The following BSN variants were observed in gnomAD, a reference collection of about 807,000 sequenced individuals.
BSN encodes protein bassoon.
In BSN, 57 loss-of-function variants were observed where a neutral mutation model predicts 264.8. The observed-to-expected ratio is 0.22, with a 90% CI of 0.17 to 0.27. The LOEUF is 0.27. Among genes scored for constraint, BSN ranks in the 10% least tolerant of loss-of-function variants. The pLI is 1.00. For missense variants in BSN, 4,615 were observed against 5,232.5 expected (o/e 0.88, Z 3.64); for synonymous variants, 2,059 against 2,137.3 (o/e 0.96, Z 1.01).
chr3:49,633,540 A>G (rs1386123996), intron 2 of BSN, among the ~76,000 whole-genome samples: 22 of 152,172 alleles, frequency 1.4e-4, no homozygotes, highest in Admixed American at 1.4e-3. Flanking sequence ...AAAATTATAA[A>G]TAGAATTACC....
intron 1 of BSN, among the ~76,000 whole-genome samples, chr3:49,593,783 T>TG (rs1267546121): frequency 2.7e-5 from 4 of 150,190 alleles, no homozygotes; most frequent in Non-Finnish European, 5.9e-5. Flanking sequence ...ACTAGTTTTT[T>TG]TTTTGTTTTG....
At chr3:49,556,345 C>T (rs1355708723) in intron 1 of BSN, among the ~76,000 whole-genome samples, 1 of 152,208 alleles carries the variant, frequency 6.6e-6, no homozygotes, top group Non-Finnish European at 1.5e-5. Context: ...AAGACCTGGG[C>T]AGCTCAGAGG....
intron 1 of BSN, among the ~76,000 whole-genome samples, chr3:49,586,445 G>A (rs1398215245): frequency 1.3e-5 from 2 of 152,046 alleles, no homozygotes; most frequent in African/African-American, 4.8e-5. Flanking sequence ...CACAATCATG[G>A]CTCACTGCAG....
At chr3:49,613,332 GA>G (rs2052225632) in intron 1 of BSN, among the ~76,000 whole-genome samples, 1 of 149,774 alleles carries the variant, frequency 6.7e-6, no homozygotes, top group Non-Finnish European at 1.5e-5. Context: ...GAGAGAGAGA[GA>G]GAGAGAGAGA....
chr3:49,639,132 A>T (rs1463752390), intron 2 of BSN, among the ~76,000 whole-genome samples: 1 of 151,602 alleles, frequency 6.6e-6, no homozygotes, highest in African/African-American at 2.4e-5. Flanking sequence ...AGGGACTGAA[A>T]TTGTTTTCTC....
At position 49,657,135 on chromosome 3, in the gene BSN, C is replaced by T. The variant is rs1490427292; in HGVS notation, c.7579C>T (p.Leu2527=). The change falls in exon 5 of 12, where the codon CTG becomes TTG. Residue 2527 remains leucine, a synonymous_variant. Transcript: ENST00000296452. Reference sequence around the variant, plus strand: ...ACTTGGGCAGCCTCGTGAGCCTGTGCTGCACCGGGGTCTCCCCAGCTCTGC... The same window carrying T: ...ACTTGGGCAGCCTCGTGAGCCTGTGTTGCACCGGGGTCTCCCCAGCTCTGC... The part of the protein sequence containing the change: ...EGLGQPREPV[L]HRGLPSSASD... 3.1e-6 allele frequency: 5 copies of T among 1,613,152 alleles called. No individual in the cohort carries two copies. The highest frequency in any genetic ancestry group is 2.2e-5 in the South Asian group (2 of 91,038).
Position 49,554,548 on chromosome 3 carries a change from G to A in BSN, c.-55G>A, listed in dbSNP as rs2051646703. 2.9e-6 allele frequency: 2 copies of A among 700,798 alleles called. No homozygotes were observed. The highest frequency in any genetic ancestry group is 1.3e-4 in the East Asian group (1 of 7,780). The allele number at this position is 700,798 out of a possible 1,614,324, so 43.4% of individuals were successfully genotyped here. A position where few individuals can be genotyped will look rare whatever the true frequency, so the allele number is the denominator to read the frequency against. ...CGCCGAGAGTGTGAGCACCGCCCGG[G>A]AGCCGCCGGCCCGGGCGCAGCGCGA... On this transcript the variant is annotated 5_prime_UTR_variant, in exon 1 of 12. Transcript: ENST00000296452.
intron 3 of BSN, among the ~76,000 whole-genome samples, chr3:49,648,730 T>C (rs377063983): frequency 3.9e-5 from 6 of 152,292 alleles, no homozygotes; most frequent in African/African-American, 1.4e-4. Context: ...ACTTACTGCC[T>C]TGTGGGGTTT....
In BSN at chr3:49,667,616, C is replaced by T. The variant is rs879243280; in HGVS notation, c.*131C>T. On this transcript the variant is annotated 3_prime_UTR_variant, in exon 12 of 12. Coordinates refer to ENST00000296452, the MANE Select transcript of BSN (RefSeq NM_003458.4). ...ATCTACAATCTGGCAAACCCTTGGCCCAAAGACTCACCAGGTGGGACGTGG... is the reference window on the plus strand; with the variant it reads ...ATCTACAATCTGGCAAACCCTTGGCTCAAAGACTCACCAGGTGGGACGTGG... 1.3e-5 allele frequency: 2 copies of T among 152,724 alleles called. No homozygotes were observed. Among genetic ancestry groups the T allele is most frequent in the South Asian group, 4.1e-4 (2 of 4,832 alleles). 9.5% of individuals were successfully genotyped at this position (152,724 alleles called of 1,614,324 possible). A position where few individuals can be genotyped will look rare whatever the true frequency, so the allele number is the denominator to read the frequency against.
At chr3:49,582,056 G>A (rs981096080) in intron 1 of BSN, among the ~76,000 whole-genome samples, 2 of 152,040 alleles carry the variant, frequency 1.3e-5, no homozygotes, top group African/African-American at 2.4e-5. Flanking sequence ...TAGGCTTTTC[G>A]AGGCGCTGCC....
chr3:49,645,087 C>T (rs2052495206), intron 3 of BSN, among the ~76,000 whole-genome samples: 1 of 152,152 alleles, frequency 6.6e-6, no homozygotes, highest in Admixed American at 6.5e-5. Context: ...CCATGTCCTG[C>T]CCCACTGCCC....
rs367960720 is a variant in BSN, at chr3:49,663,311, C to T, written c.11153C>T (p.Ala3718Val). 4.3e-6 allele frequency: 7 copies of T among 1,613,950 alleles called. No homozygotes were observed. The highest frequency in any genetic ancestry group is 5.9e-6 in the Non-Finnish European group (7 of 1,180,036). ...CGTGCTTCATCCGCATACCATCATG[C>T]CTCTGACAGCAAGAAGGGCTCCCGG... The part of the protein sequence containing the change: ...PSRASSAYHH[A>V]SDSKKGSRQA... The change falls in exon 7 of 12, where the codon GCC becomes GTC. Residue 3718 changes from alanine (A) to valine (V), a missense_variant. Around this residue, in one of 3 missense-constraint regions of BSN, gnomAD observed 3,415 missense variants for 3,866.4 expected, o/e 0.88. Coordinates refer to ENST00000296452, the MANE Select transcript of BSN (RefSeq NM_003458.4).
chr3:49,586,595 C>T (rs1440952793), intron 1 of BSN, among the ~76,000 whole-genome samples: 1 of 152,240 alleles, frequency 6.6e-6, no homozygotes, highest in Admixed American at 6.5e-5. Context: ...TCCATCTCAG[C>T]TTCCCAGAGT....
At chr3:49,592,814 G>A (rs1432182911) in intron 1 of BSN, among the ~76,000 whole-genome samples, 2 of 151,376 alleles carry the variant, frequency 1.3e-5, no homozygotes, top group Non-Finnish European at 2.9e-5. Context: ...TTTTCGCAGT[G>A]GTAATGTTTA....
At chr3:49,614,960 C>T (rs920002743) in intron 1 of BSN, among the ~76,000 whole-genome samples, 2 of 152,292 alleles carry the variant, frequency 1.3e-5, no homozygotes, top group East Asian at 1.9e-4. Flanking sequence ...CTTTCAGACT[C>T]CTGGTGGTCT....
Position 49,651,565 on chromosome 3 carries a change from C to A in BSN, c.2009C>A (p.Ser670Tyr). 6.3e-7 allele frequency: 1 copy of A among 1,589,464 alleles called. No individual in the cohort carries two copies. The highest frequency in any genetic ancestry group is 1.2e-5 in the South Asian group (1 of 86,688). ...EAEDLVGKPY[S>Y]QDASRSPQSL... ...CAGGACCTGGTGGGCAAGCCTTACT[C>A]TCAGGATGCGTCTCGGAGCCCACAG... The change falls in exon 5 of 12, where the codon TCT becomes TAT. Residue 670 changes from serine (S) to tyrosine (Y), a missense_variant. This residue lies in a region of BSN where 1,197 missense variants were observed against 1,348.0 expected (regional missense o/e 0.89). Transcript: ENST00000296452. This position sits in a 1 kb window ranked among gnomAD's most constrained non-coding sequence, Gnocchi z 5.4.
At position 49,662,322 on chromosome 3, in the gene BSN, G is replaced by T; in HGVS notation, c.10477G>T (p.Val3493Leu). The change falls in exon 6 of 12, where the codon GTA becomes TTA. Residue 3493 changes from valine (V) to leucine (L), a missense_variant. Physicochemically the swap from Val to Leu is conservative, Grantham distance 32. Coordinates refer to ENST00000296452, the MANE Select transcript of BSN (RefSeq NM_003458.4). ...PSSLSMAHSR[V>L]RPPMRSQASE... is the part of the protein sequence containing the mutation. Reference sequence around the variant, plus strand: ...ATCCCTAAGTATGGCCCACAGCCGGGTACGACCCCCCATGCGGAGCCAGGC... The same window carrying T: ...ATCCCTAAGTATGGCCCACAGCCGGTTACGACCCCCCATGCGGAGCCAGGC... 1 of 1,613,670 alleles carries T rather than the reference G, an allele frequency of 6.2e-7. No individual in the cohort carries two copies. Among genetic ancestry groups the T allele is most frequent in the South Asian group, 1.1e-5 (1 of 91,080 alleles).
rs1284412165 is a variant in BSN at position 49,650,660 on chromosome 3, G to A, written c.1567G>A (p.Gly523Ser). Residue 523 changes from glycine to serine, a missense_variant, in exon 4 of 12, where the codon GGC becomes AGC. By Grantham distance (56) the Gly-to-Ser change is moderately conservative. Around this residue, in one of 3 missense-constraint regions of BSN, gnomAD observed 1,197 missense variants for 1,348.0 expected, o/e 0.89. Coordinates refer to ENST00000296452, the MANE Select transcript of BSN (RefSeq NM_003458.4). ...CTGCCAAACCAAGCGGCTACTGGAGGGCAGCCTAGGAGAGCCGACCCCCCT... is the reference window on the plus strand; with the variant it reads ...CTGCCAAACCAAGCGGCTACTGGAGAGCAGCCTAGGAGAGCCGACCCCCCT... ...LNCQTKRLLE[G>S]SLGEPTPLPP... The A allele has an allele frequency of 6.2e-7, 1 of 1,609,238 alleles. No homozygotes were observed. The highest frequency in any genetic ancestry group is 8.5e-7 in the Non-Finnish European group (1 of 1,178,710).
At chr3:49,647,878 CA>C (rs769599742) in intron 3 of BSN, among the ~76,000 whole-genome samples, 43 of 152,326 alleles carry the variant, frequency 2.8e-4, no homozygotes, top group Non-Finnish European at 5.3e-4. Flanking sequence ...TCCCCACTCC[CA>C]GAGGGCTTGT....
Sources: allele counts gnomAD v4.1 joint callset (sites outside exome capture counted in the v4.1 genomes callset), GRCh38; gene constraint gnomAD v4.1.1; regional missense constraint gnomAD v4.1.1; non-coding constraint Gnocchi (gnomAD v3.1); transcripts MANE v1.5; gene names NCBI Gene and HGNC (gene_info 2026-07-23, HGNC 2026-07-21).